Variants in CDYL observed in about 807,000 individuals in gnomAD.
CDYL encodes chromodomain Y-like protein.
In CDYL, 8 loss-of-function variants were observed where a neutral mutation model predicts 47.3. The ratio of observed to expected loss-of-function variants is 0.17; its 90% confidence interval spans 0.10 to 0.31. The LOEUF is 0.31. Among genes scored for constraint, CDYL ranks in the 10% least tolerant of loss-of-function variants. The pLI, the probability that CDYL is intolerant of heterozygous loss-of-function variation, is 1.00. For missense variants in CDYL, 471 were observed against 701.4 expected (o/e 0.67, Z 3.71); for synonymous variants, 266 against 265.0 (o/e 1.00, Z -0.04).
chr6:4,758,774 A>G (rs955382051), intron 3 of CDYL, among the ~76,000 whole-genome samples: 13 of 152,166 alleles, frequency 8.5e-5, no homozygotes, highest in South Asian at 4.1e-4. Context: ...TTCCTGCTAC[A>G]TATTTTTCGA....
Position 4,954,120 on chromosome 6 carries a change from T to C in CDYL, c.*64T>C. Reference sequence around the variant, plus strand: ...AGCAGGAGAACATCACCGGCTCCAGTTCCCCTGATCCATTCTCACAGCCTG... The same window carrying C: ...AGCAGGAGAACATCACCGGCTCCAGCTCCCCTGATCCATTCTCACAGCCTG... On this transcript the variant is annotated 3_prime_UTR_variant, in exon 7 of 7. Coordinates refer to ENST00000397588, the MANE Select transcript of CDYL (RefSeq NM_004824.4). 1 of 1,537,492 alleles carries C rather than the reference T, an allele frequency of 6.5e-7. No homozygotes were observed. The highest frequency in any genetic ancestry group is 8.8e-7 in the Non-Finnish European group (1 of 1,130,598).
intron 2 of CDYL, chr6:4,715,988 C>T (rs1357992680): frequency 6.8e-7 from 1 of 1,474,740 alleles, no homozygotes; most frequent in African/African-American, 1.4e-5. Context: ...GTGGCTCACG[C>T]CTATAATCCC....
intron 1 of CDYL, among the ~76,000 whole-genome samples, chr6:4,881,767 A>G (rs775958228): frequency 6.6e-6 from 1 of 152,188 alleles, no homozygotes; most frequent in Non-Finnish European, 1.5e-5. Flanking sequence ...TTCTTCCTGT[A>G]TATCTGAGGT....
chr6:4,790,625 G>C (rs756524078), intron 1 of CDYL, among the ~76,000 whole-genome samples: 4 of 152,200 alleles, frequency 2.6e-5, no homozygotes, highest in African/African-American at 4.8e-5. Flanking sequence ...GCTTATGGAA[G>C]TAGAATAGGA....
At chr6:4,805,415 A>AT (rs1561646060) in intron 1 of CDYL, among the ~76,000 whole-genome samples, 1 of 152,238 alleles carries the variant, frequency 6.6e-6, no homozygotes, top group Non-Finnish European at 1.5e-5. Flanking sequence ...AATGGCGGAA[A>AT]TTTCATAGAA....
rs190392314 is a variant in CDYL, at chr6:4,894,906, C to G, written c.691+2527C>G. The stretch of plus-strand genomic sequence containing the variant: ...ATGTGTGTGTATATATACACACGTA[C>G]GTGTGTATATATACACATATGTATG... On this transcript the variant is annotated intron_variant, in intron 2 of 6. Transcript: ENST00000397588. Among the ~76,000 whole-genome samples, 28 of 137,364 alleles carry G rather than the reference C, an allele frequency of 2.0e-4. No individual in the cohort carries two copies. In the South Asian group the frequency reaches 6.1e-3, roughly 30 times the overall value. The allele number at this position is 137,364 out of a possible 152,430, so 90.1% of individuals were successfully genotyped here. A position where few individuals can be genotyped will look rare whatever the true frequency, so the allele number is the denominator to read the frequency against.
chr6:4,787,099 G>C (rs1032239540), intron 1 of CDYL, among the ~76,000 whole-genome samples: 1 of 152,222 alleles, frequency 6.6e-6, no homozygotes, highest in African/African-American at 2.4e-5. Context: ...ACGTGAGGTA[G>C]AGTGTAGCCA....
At chr6:4,906,181 G>A (rs530276708) in intron 2 of CDYL, among the ~76,000 whole-genome samples, 2 of 152,138 alleles carry the variant, frequency 1.3e-5, no homozygotes, top group African/African-American at 2.4e-5. Context: ...ATGGAAAACC[G>A]GATGGAGATT....
chr6:4,896,417 C>T (rs752267068), intron 2 of CDYL, among the ~76,000 whole-genome samples: 1 of 152,028 alleles, frequency 6.6e-6, no homozygotes, highest in African/African-American at 2.4e-5. Flanking sequence ...GCCGTGTAGT[C>T]GGTGCTCTGC....
upstream of CDYL, among the ~76,000 whole-genome samples, chr6:4,773,599 T>C (rs1169923026): frequency 2.0e-5 from 3 of 152,152 alleles, no homozygotes; most frequent in African/African-American, 7.2e-5. The surrounding 1 kb of genome is among the most constrained non-coding windows in gnomAD (Gnocchi z 4.6). Context: ...ATAAGCAAAA[T>C]AGCATTCCAT....
At chr6:4,851,032 T>C (rs1481043159) in intron 1 of CDYL, among the ~76,000 whole-genome samples, 186 of 152,270 alleles carry the variant, frequency 1.2e-3, no homozygotes, top group Non-Finnish European at 1.8e-4. Flanking sequence ...TGACTAGTAT[T>C]TGTGATTTAA....
intron 2 of CDYL, among the ~76,000 whole-genome samples, chr6:4,722,771 G>A (rs1040983718): frequency 6.6e-6 from 1 of 152,182 alleles, no homozygotes; most frequent in Admixed American, 6.5e-5. Context: ...CAGCTACTCG[G>A]GAGGCTGAGG....
intron 1 of CDYL, among the ~76,000 whole-genome samples, chr6:4,815,673 C>CTT (rs35346944): frequency 0.019 from 2,170 of 113,590 alleles, 64 homozygotes; most frequent in African/African-American, 0.065. Context: ...TGAGATTTCA[C>CTT]TTTTTTTTTT....
intron 1 of CDYL, among the ~76,000 whole-genome samples, chr6:4,777,164 G>T (rs1324814801): frequency 6.8e-6 from 1 of 146,688 alleles, no homozygotes; most frequent in Non-Finnish European, 1.5e-5. Flanking sequence ...TACGGGGGGT[G>T]GGGTGTGGGG....
At chr6:4,951,839 A>G (rs1428433185) in intron 5 of CDYL, among the ~76,000 whole-genome samples, 1 of 152,046 alleles carries the variant, frequency 6.6e-6, no homozygotes, top group African/African-American at 2.4e-5. Context: ...GCATATGCTG[A>G]TTTTCCCAGG....
Position 4,776,671 on chromosome 6 carries a change from G to A in CDYL, c.-113G>A. 3 of 965,178 alleles carry A rather than the reference G, an allele frequency of 3.1e-6. No individual in the cohort carries two copies. The highest frequency in any genetic ancestry group is 4.1e-6 in the Non-Finnish European group (3 of 734,242). The allele number at this position is 965,178 out of a possible 1,614,324, so 59.8% of individuals were successfully genotyped here. ...GTCCGTGCCCAGCGCCCGGCCGGCC[G>A]CGGGAGCAGGAAGCGCAGGCCACGC... On this transcript the variant is annotated 5_prime_UTR_variant, in exon 1 of 7. Transcript: ENST00000397588.
chr6:4,904,420 C>T (rs1757164964), intron 2 of CDYL, among the ~76,000 whole-genome samples: 2 of 152,226 alleles, frequency 1.3e-5, no homozygotes, highest in Admixed American at 1.3e-4. Context: ...CATTTTAAAG[C>T]TTATCTCCAA....
chr6:4,949,453 C>T (rs969733534), intron 5 of CDYL, among the ~76,000 whole-genome samples: 3 of 152,200 alleles, frequency 2.0e-5, no homozygotes, highest in East Asian at 1.9e-4. Context: ...CCTCGCCACC[C>T]GTCCTGCTGT....
At chr6:4,941,864 G>A (rs974204169) in intron 4 of CDYL, among the ~76,000 whole-genome samples, 1 of 152,128 alleles carries the variant, frequency 6.6e-6, no homozygotes, top group African/African-American at 2.4e-5. Flanking sequence ...TTTGCCTTCT[G>A]TTCCATAAGG....
Sources: allele counts gnomAD v4.1 joint callset (sites outside exome capture counted in the v4.1 genomes callset), GRCh38; gene constraint gnomAD v4.1.1; non-coding constraint Gnocchi (gnomAD v3.1); transcripts MANE v1.5; gene names NCBI Gene and HGNC (gene_info 2026-07-23, HGNC 2026-07-21).